CNTN6: variants seen among roughly 807,000 people sequenced by gnomAD.
CNTN6 encodes the protein contactin-6.
CNTN6 carries 137 observed loss-of-function variants against 122.8 expected under a neutral mutation model. That is an observed-to-expected ratio of 1.12 (90% confidence interval 0.97 to 1.29). CNTN6 has a LOEUF of 1.29. CNTN6 is among the 50% of genes most tolerant of loss of function. CNTN6 has a pLI of 0.00. For synonymous variants in CNTN6, 570 were observed against 426.0 expected, an observed-to-expected ratio of 1.34 and a Z score of -4.16; for missense variants, 1,634 against 1,223.4, an observed-to-expected ratio of 1.34 and a Z score of -5.01.
chr3:1,341,100 C>G (rs540236892), intron 11 of CNTN6, among the ~76,000 whole-genome samples: 1 of 152,134 alleles, frequency 6.6e-6, no homozygotes, highest in Non-Finnish European at 1.5e-5. Flanking sequence ...AATGTTCAGA[C>G]TTCTCCATTC....
intron 19 of CNTN6, among the ~76,000 whole-genome samples, chr3:1,384,020 C>A (rs1456469803): frequency 1.3e-5 from 2 of 152,188 alleles, no homozygotes; most frequent in African/African-American, 4.8e-5. Context: ...AGTCCTGCCT[C>A]CTCCCTCAAA....
At chr3:1,128,188 T>A (rs747515266) in intron 1 of CNTN6, 3 of 151,934 alleles carry the variant, frequency 2.0e-5, no homozygotes, top group Non-Finnish European at 2.9e-5. Flanking sequence ...CTTTCTTCCA[T>A]CTCCAAATAT....
At chr3:1,168,958 C>T (rs955651010) in intron 2 of CNTN6, among the ~76,000 whole-genome samples, 8 of 151,934 alleles carry the variant, frequency 5.3e-5, no homozygotes, top group African/African-American at 1.7e-4. Context: ...CTCAGGTGGA[C>T]GTGAGTGGGA....
At chr3:1,260,336 C>G (rs1025395799) in intron 4 of CNTN6, among the ~76,000 whole-genome samples, 1 of 152,086 alleles carries the variant, frequency 6.6e-6, no homozygotes, top group African/African-American at 2.4e-5. Context: ...TCCATCAGTA[C>G]TTACTATGCA....
chr3:1,292,381 T>A (rs1246673820), intron 5 of CNTN6, among the ~76,000 whole-genome samples: 1 of 152,150 alleles, frequency 6.6e-6, no homozygotes, highest in Non-Finnish European at 1.5e-5. Flanking sequence ...ATTTTTTATC[T>A]CTTGATAAAC....
At position 1,352,452 on chromosome 3, in the gene CNTN6, G is replaced by GT; in HGVS notation, c.1492+2dup. The GT allele has an allele frequency of 2.5e-6, 4 of 1,609,296 alleles. No individual in the cohort carries two copies. The South Asian group carries it at 4.4e-5, about 18-fold the overall frequency. ...AACACTGGCAGCCTCATTGTAAAAG[G>GT]TATCATATTATCTTCATTTGTGCTT... On this transcript the variant is annotated splice_donor_variant, in intron 12 of 22. Transcript: ENST00000446702. LOFTEE classifies it high-confidence loss of function.
intron 7 of CNTN6, among the ~76,000 whole-genome samples, chr3:1,308,083 T>C (rs1698643138): frequency 6.6e-6 from 1 of 152,194 alleles, no homozygotes; most frequent in African/African-American, 2.4e-5. Context: ...ACCTGTGAAA[T>C]GTGTCACTTC....
chr3:1,161,378 CAT>C (rs1207820681), intron 2 of CNTN6, among the ~76,000 whole-genome samples: 8 of 150,792 alleles, frequency 5.3e-5, no homozygotes, highest in African/African-American at 1.9e-4. Context: ...TAGCTAGAGA[CAT>C]AAATATTCAA....
intron 16 of CNTN6, among the ~76,000 whole-genome samples, chr3:1,376,256 G>T (rs960477802): frequency 6.6e-6 from 1 of 152,034 alleles, no homozygotes; most frequent in Non-Finnish European, 1.5e-5. Flanking sequence ...CATTTCCTCA[G>T]TTTTACAGTT....
intron 2 of CNTN6, among the ~76,000 whole-genome samples, chr3:1,169,153 T>G (rs1263624503): frequency 2.0e-5 from 3 of 152,196 alleles, no homozygotes; most frequent in Non-Finnish European, 2.9e-5. Context: ...TGCTTTAGGA[T>G]TTAATTCTAA....
rs373689458 is a variant in CNTN6, at chr3:1,304,359, C to CT, written c.761+6370dup. 6.4e-3 allele frequency among the ~76,000 whole-genome samples: 970 copies of CT among 152,054 alleles called. 16 individuals carry two copies. The highest frequency in any genetic ancestry group is 0.023 in the African/African-American group (936 of 41,454). Reference sequence around the variant, plus strand: ...AATTACGGAGGTAAATACAGTGAGGCTTAGATAAATTAAGTGACTTAACCA... The same window carrying CT: ...AATTACGGAGGTAAATACAGTGAGGCTTTAGATAAATTAAGTGACTTAACCA... On this transcript the variant is annotated intron_variant, in intron 7 of 22. Transcript: ENST00000446702.
rs542407539 is a variant in CNTN6 at position 1,241,934 on chromosome 3, G to A, written c.358+13941G>A. Among the ~76,000 whole-genome samples the A allele has an allele frequency of 6.1e-4, 93 of 152,312 alleles. 3 individuals carry two copies. The South Asian group carries it at 7.9e-3, about 13-fold the overall frequency. On this transcript the variant is annotated intron_variant, in intron 4 of 22. Transcript: ENST00000446702. ...TAGGCTAAAACAGTAAGGTCAAGTT[G>A]TTTGGACAGAAAGGCTACAGGGTGT...
intron 2 of CNTN6, among the ~76,000 whole-genome samples, chr3:1,190,846 C>G (rs1289768037): frequency 6.6e-6 from 1 of 152,106 alleles, no homozygotes; most frequent in East Asian, 1.9e-4. Context: ...GATTAGTTTT[C>G]CCAAAGCAAT....
At chr3:1,312,914 A>G (rs979776327) in intron 7 of CNTN6, among the ~76,000 whole-genome samples, 1 of 151,524 alleles carries the variant, frequency 6.6e-6, no homozygotes, top group Non-Finnish European at 1.5e-5. Flanking sequence ...CTGTAATCGT[A>G]TGTTTGATAG....
chr3:1,163,808 G>C (rs1357743449), intron 2 of CNTN6, among the ~76,000 whole-genome samples: 1 of 152,156 alleles, frequency 6.6e-6, no homozygotes, highest in Non-Finnish European at 1.5e-5. Flanking sequence ...ATTAATCTGA[G>C]GAGACAACCT....
chr3:1,201,099 TTGTG>T (rs57028088), intron 2 of CNTN6, among the ~76,000 whole-genome samples: 12,421 of 129,860 alleles, frequency 0.096, 618 homozygotes, highest in Non-Finnish European at 0.11. Context: ...AGCTAACATT[TTGTG>T]TGTGTGTGTG....
intron 3 of CNTN6, 125 bp downstream of exon 3, chr3:1,220,938 G>T: frequency 1.0e-6 from 1 of 994,088 alleles, no homozygotes. Context: ...TTTCTCTACG[G>T]GTATGCAGCC....
At chr3:1,158,846 A>ATGTG (rs371063023) in intron 2 of CNTN6, among the ~76,000 whole-genome samples, 5 of 88,508 alleles carry the variant, frequency 5.6e-5, no homozygotes, top group African/African-American at 2.2e-4. Flanking sequence ...ACACATATAT[A>ATGTG]TACATACATA....
At chr3:1,126,708 C>G (rs184600225) in intron 1 of CNTN6, among the ~76,000 whole-genome samples, 59 of 151,948 alleles carry the variant, frequency 3.9e-4, no homozygotes, top group Middle Eastern at 3.4e-3. Context: ...GCTGCAGACA[C>G]CACATTTTAT....
Sources: gnomAD v4.1 joint callset for allele counts (sites outside exome capture counted in the v4.1 genomes callset) on GRCh38, gnomAD v4.1.1 for gene constraint, MANE v1.5 for transcripts, NCBI Gene and HGNC (gene_info 2026-07-23, HGNC 2026-07-21) for gene names.